The following MBNL1 variants were observed in gnomAD, a reference collection of about 807,000 sequenced individuals.
The protein encoded by MBNL1 is muscleblind-like protein 1.
Under a neutral mutation model 42.2 loss-of-function variants are expected in MBNL1, and 8 were observed. The observed-to-expected ratio is 0.19, with a 90% CI of 0.11 to 0.34. The LOEUF is 0.34. MBNL1 is among the 10% of genes least tolerant of loss of function. MBNL1 has a pLI of 1.00. For synonymous variants in MBNL1, 169 were observed against 173.9 expected (o/e 0.97, Z 0.22); for missense variants, 309 against 495.3 (o/e 0.62, Z 3.57).
chr3:152,326,703 A>G (rs1055922984), intron 2 of MBNL1, among the ~76,000 whole-genome samples: 15 of 152,036 alleles, frequency 9.9e-5, no homozygotes, highest in African/African-American at 3.4e-4. Flanking sequence ...CTCTTCTAAC[A>G]TAAGATCTAA....
At position 152,340,285 on chromosome 3, in the gene MBNL1, G is replaced by A. The variant is rs572733539; in HGVS notation, c.174+39918G>A. The A allele has an allele frequency of 6.8e-5, 31 of 455,694 alleles. No individual in the cohort carries two copies. In the South Asian group the frequency reaches 8.5e-4, roughly 13 times the overall value. The allele number at this position is 455,694 out of a possible 1,614,324, so 28.2% of individuals were successfully genotyped here. Reference sequence around the variant, plus strand: ...TGCAGGCATCACTGCACCCCAGCCTGGGCAATAGAGTGAGACCTTGTCTCA... The same window carrying A: ...TGCAGGCATCACTGCACCCCAGCCTAGGCAATAGAGTGAGACCTTGTCTCA... On this transcript the variant is annotated intron_variant, in intron 2 of 9. Coordinates refer to ENST00000324210, the MANE Select transcript of MBNL1 (RefSeq NM_021038.5).
At chr3:152,461,399 G>A (rs1265918012) in intron 9 of MBNL1, among the ~76,000 whole-genome samples, 2 of 152,194 alleles carry the variant, frequency 1.3e-5, no homozygotes, top group Non-Finnish European at 2.9e-5. Flanking sequence ...AGTGTTGTAG[G>A]TTTAGAAGAA....
intron 2 of MBNL1, among the ~76,000 whole-genome samples, chr3:152,380,947 C>T (rs1256462485): frequency 6.6e-6 from 1 of 151,960 alleles, no homozygotes; most frequent in Non-Finnish European, 1.5e-5. Context: ...ATAGCAAGTT[C>T]TTATACCTTA....
intron 3 of MBNL1, among the ~76,000 whole-genome samples, chr3:152,432,170 T>G (rs1318960902): frequency 6.6e-6 from 1 of 152,214 alleles, no homozygotes; most frequent in East Asian, 1.9e-4. Context: ...AAAGGCAAGG[T>G]GTCATCATCA....
chr3:152,281,877 C>A (rs1262285694), intron 1 of MBNL1, among the ~76,000 whole-genome samples: 1 of 152,090 alleles, frequency 6.6e-6, no homozygotes, highest in African/African-American at 2.4e-5. Context: ...TTTAATAGCT[C>A]TACATTCACT....
At chr3:152,435,592 T>C (rs1187739524) in intron 4 of MBNL1, among the ~76,000 whole-genome samples, 1 of 152,196 alleles carries the variant, frequency 6.6e-6, no homozygotes, top group Non-Finnish European at 1.5e-5. Context: ...TCATTGGTAG[T>C]TGGACAGGAA....
intron 2 of MBNL1, among the ~76,000 whole-genome samples, chr3:152,332,739 T>TGTGTGTGTGCGC (rs1256022678): frequency 1.5e-4 from 17 of 115,700 alleles, no homozygotes; most frequent in Admixed American, 2.4e-4. Flanking sequence ...TGTGTGTGTG[T>TGTGTGTGTGCGC]GCGCGCGCGC....
At chr3:152,394,678 A>G (rs1434999535) in intron 2 of MBNL1, among the ~76,000 whole-genome samples, 1 of 152,206 alleles carries the variant, frequency 6.6e-6, no homozygotes. Context: ...ATTAGTTGAT[A>G]AATAAACACA....
At chr3:152,418,885 T>A (rs2098750477) in intron 3 of MBNL1, among the ~76,000 whole-genome samples, 1 of 151,900 alleles carries the variant, frequency 6.6e-6, no homozygotes, top group South Asian at 2.1e-4. Context: ...CCCGGCTAAT[T>A]TTTTATAGTT....
chr3:152,337,907 C>T (rs2091495949), intron 2 of MBNL1: 1 of 165,154 alleles, frequency 6.1e-6, no homozygotes, highest in African/African-American at 2.4e-5. Flanking sequence ...GTTTAACCTT[C>T]TCTCTGTCTT....
intron 2 of MBNL1, chr3:152,340,588 A>G (rs768093760): frequency 5.6e-6 from 9 of 1,613,858 alleles, no homozygotes; most frequent in South Asian, 1.1e-5. Context: ...TTCACCATAC[A>G]TACTTCCAAG....
intron 1 of MBNL1, among the ~76,000 whole-genome samples, chr3:152,273,917 A>G (rs754735927): frequency 2.0e-5 from 3 of 152,216 alleles, no homozygotes. Flanking sequence ...GCATGAGCAT[A>G]TAACTTTCCC....
intron 1 of MBNL1, among the ~76,000 whole-genome samples, chr3:152,295,460 G>T (rs2058157523): frequency 6.6e-6 from 1 of 152,268 alleles, no homozygotes; most frequent in South Asian, 2.1e-4. Context: ...TTTCATCAGT[G>T]TTGGGACCAC....
At chr3:152,377,548 TGTGTA>T (rs1307981062) in intron 2 of MBNL1, among the ~76,000 whole-genome samples, 3 of 152,248 alleles carry the variant, frequency 2.0e-5, no homozygotes, top group Admixed American at 1.3e-4. Flanking sequence ...CTCTTAGAAC[TGTGTA>T]TAGTACACAT....
At chr3:152,310,666 G>A (rs1195658628) in intron 2 of MBNL1, among the ~76,000 whole-genome samples, 1 of 152,010 alleles carries the variant, frequency 6.6e-6, no homozygotes, top group Non-Finnish European at 1.5e-5. Flanking sequence ...CTGAATAATT[G>A]CTTGTTTAGA....
intron 2 of MBNL1, chr3:152,340,966 C>G (rs2093039036): frequency 6.7e-7 from 1 of 1,501,782 alleles, no homozygotes. Flanking sequence ...TACCACTTTC[C>G]TGAAGGTCTG....
intron 6 of MBNL1, among the ~76,000 whole-genome samples, chr3:152,449,595 T>G (rs1172694722): frequency 6.6e-6 from 1 of 152,200 alleles, no homozygotes; most frequent in Non-Finnish European, 1.5e-5. Context: ...TAGCTTTTTG[T>G]CTGTGGATAG....
In MBNL1 at chr3:152,279,612, C is replaced by T. The variant is rs1173857788; in HGVS notation, c.-790+10520C>T. 3.3e-5 allele frequency among the ~76,000 whole-genome samples: 5 copies of T among 151,994 alleles called. No homozygotes were observed. In the East Asian group the frequency reaches 9.6e-4, roughly 29 times the overall value. ...GGATTTGTAAAAAAAATAAAACAAA[C>T]TAGGCCTCCCATCTTCAGTAGATAT... On this transcript the variant is annotated intron_variant, in intron 1 of 9. Coordinates refer to ENST00000324210, the MANE Select transcript of MBNL1 (RefSeq NM_021038.5).
At chr3:152,245,186 A>G (rs2032605088) in intron 2 of MBNL1, among the ~76,000 whole-genome samples, 1 of 152,160 alleles carries the variant, frequency 6.6e-6, no homozygotes, top group Non-Finnish European at 1.5e-5. Context: ...AAATTCTAAA[A>G]TAATCTAGAT....
Sources: allele counts gnomAD v4.1 joint callset (sites outside exome capture counted in the v4.1 genomes callset), GRCh38; gene constraint gnomAD v4.1.1; transcripts MANE v1.5; gene names NCBI Gene and HGNC (gene_info 2026-07-23, HGNC 2026-07-21).